The following MBTPS2 variants were observed in gnomAD, a reference collection of about 807,000 sequenced individuals.
MBTPS2 encodes the protein membrane-bound transcription factor site-2 protease.
Under a neutral mutation model 35.4 loss-of-function variants are expected in MBTPS2, and 2 were observed. The observed-to-expected ratio is 0.06, with a 90% confidence interval of 0.02 to 0.18. The LOEUF (loss-of-function observed/expected upper bound fraction) is 0.18, where lower values mean the gene tolerates loss of function less well. Ranked by LOEUF, MBTPS2 falls within the 10% of genes least tolerant of loss-of-function variation. MBTPS2 has a pLI of 1.00. For synonymous variants in MBTPS2, 125 were observed against 140.4 expected (o/e 0.89, Z 0.77); for missense variants, 244 against 386.5 (o/e 0.63, Z 3.09).
At chrX:21,867,770 C>G (rs1342977164) in intron 5 of MBTPS2, among the ~76,000 whole-genome samples, 1 of 109,401 alleles carries the variant, frequency 9.1e-6, no homozygotes, top group Non-Finnish European at 1.9e-5. Context: ...TCACAAGCAA[C>G]TGGGACTACA....
At chrX:21,864,966 G>C (rs943342107) in intron 5 of MBTPS2, among the ~76,000 whole-genome samples, 17 of 98,014 alleles carry the variant, frequency 1.7e-4, no homozygotes, top group Non-Finnish European at 3.4e-4. Context: ...CTGCAGCCTC[G>C]ACCTCCTGGG....
intron 9 of MBTPS2, among the ~76,000 whole-genome samples, chrX:21,878,922 A>G (rs1382678127): frequency 9.0e-6 from 1 of 111,534 alleles, no homozygotes; most frequent in Non-Finnish European, 1.9e-5. Flanking sequence ...GGAGAGTGAC[A>G]CATTTTTCCT....
At chrX:21,842,167 T>C (rs1393125146) in intron 1 of MBTPS2, among the ~76,000 whole-genome samples, 1 of 111,856 alleles carries the variant, frequency 8.9e-6, no homozygotes, top group East Asian at 2.8e-4. Context: ...CTGTGTCAGG[T>C]ATATAACACA....
In MBTPS2 at chrX:21,869,600, G is replaced by C; in HGVS notation, c.892G>C (p.Asp298His). The C allele has an allele frequency of 8.3e-7, 1 of 1,209,277 alleles. No homozygotes were observed. Among genetic ancestry groups the C allele is most frequent in the South Asian group, 1.8e-5 (1 of 56,931 alleles). The change falls in exon 7 of 11, where the codon GAT becomes CAT. Residue 298 changes from aspartate to histidine, a missense_variant. Physicochemically the swap from Asp to His is moderately conservative, Grantham distance 81. Coordinates refer to ENST00000379484, the MANE Select transcript of MBTPS2 (RefSeq NM_015884.4). Reference sequence around the variant, plus strand: ...TGTGCAAGATTGGAATGAATGTTTAGATACCATCGCCTATGAGCCCCAAAT... The same window carrying C: ...TGTGCAAGATTGGAATGAATGTTTACATACCATCGCCTATGAGCCCCAAAT... ...TNVQDWNECL[D>H]TIAYEPQIGY...
chrX:21,873,762 C>T (rs2092949806), intron 7 of MBTPS2, among the ~76,000 whole-genome samples: 1 of 110,428 alleles, frequency 9.1e-6, no homozygotes, highest in South Asian at 3.9e-4. Flanking sequence ...AGAGAAGACC[C>T]TTCTTGACCC....
At chrX:21,881,629 A>T (rs1005698349) in intron 10 of MBTPS2, among the ~76,000 whole-genome samples, 18 of 111,871 alleles carry the variant, frequency 1.6e-4, no homozygotes, top group Non-Finnish European at 3.2e-4. Flanking sequence ...AGTTATTTTT[A>T]AAAAATGTGT....
Position 21,880,952 on chromosome X carries a change from G to T in MBTPS2, c.1317G>T (p.Val439=). 1 of 1,201,712 alleles carries T rather than the reference G, an allele frequency of 8.3e-7. No individual in the cohort carries two copies. Among genetic ancestry groups the T allele is most frequent in the East Asian group, 3.0e-5 (1 of 33,763 alleles). The change falls in exon 10 of 11, where the codon GTG becomes GTT. Residue 439 remains valine (V), a synonymous_variant. Coordinates refer to ENST00000379484, the MANE Select transcript of MBTPS2 (RefSeq NM_015884.4). ...ACTTTCTAAGCATAGATCTGCCAGT[G>T]GTTGTGGAGACATTTGTCAAGTATC... ...RFNFLSIDLP[V]VVETFVKYLI... is the part of the protein sequence containing the mutation.
At chrX:21,875,508 G>A (rs867603061) in intron 7 of MBTPS2, among the ~76,000 whole-genome samples, 9 of 112,184 alleles carry the variant, frequency 8.0e-5, no homozygotes, top group Non-Finnish European at 1.1e-4. Context: ...TATCATTAGC[G>A]ATAATAAATT....
intron 5 of MBTPS2, 113 bp downstream of exon 5, chrX:21,853,616 A>T: frequency 2.6e-6 from 2 of 775,614 alleles, no homozygotes; most frequent in Non-Finnish European, 3.9e-6. Context: ...CTTTTGGTTA[A>T]TAACTTCAGT....
intron 9 of MBTPS2, among the ~76,000 whole-genome samples, chrX:21,879,267 T>TTTTG (rs754219848): frequency 1.8e-5 from 2 of 110,692 alleles, no homozygotes; most frequent in African/African-American, 3.3e-5. Flanking sequence ...TTCAGTGGGG[T>TTTTG]TTTGTTTGTT....
intron 2 of MBTPS2, 43 bp from the exon 3 acceptor site, chrX:21,845,128 G>A: frequency 8.3e-7 from 1 of 1,210,337 alleles, no homozygotes; most frequent in Non-Finnish European, 1.1e-6. Flanking sequence ...TCCATGAATT[G>A]AGAGAAATTG....
rs58677135 is a variant in MBTPS2, at chrX:21,843,343, G to A, written c.224+25G>A. 4.5e-3 allele frequency: 5,379 copies of A among 1,192,259 alleles called. 143 individuals are homozygous for A. The African/African-American group carries it at 0.082, about 18-fold the overall frequency. ...GGTATTCTTCATCTTCTTTTGTTTG[G>A]TTTAGGTTAATCATTAAGTGATCAC... On this transcript the variant is annotated intron_variant, in intron 2 of 10. Coordinates refer to ENST00000379484, the MANE Select transcript of MBTPS2 (RefSeq NM_015884.4).
intron 5 of MBTPS2, among the ~76,000 whole-genome samples, chrX:21,862,931 A>AAAATATATATATATATATATATAT (rs1569325764): frequency 7.2e-5 from 1 of 13,807 alleles, no homozygotes; most frequent in Non-Finnish European, 1.8e-4. Context: ...TATATATATA[A>AAAATATATATATATATATATATAT]ACATATATAT....
chrX:21,877,217 A>G (rs1282752464), intron 7 of MBTPS2, among the ~76,000 whole-genome samples: 1 of 111,851 alleles, frequency 8.9e-6, no homozygotes, highest in Non-Finnish European at 1.9e-5. Flanking sequence ...CGAGGTGGGC[A>G]GATCACTTGA....
intron 10 of MBTPS2, 62 bp from the exon 11 acceptor site, chrX:21,882,371 C>A: frequency 1.2e-6 from 1 of 831,900 alleles, no homozygotes; most frequent in South Asian, 2.0e-5. Context: ...TCTTCTGACT[C>A]ATAGAAATAT....
intron 1 of MBTPS2, among the ~76,000 whole-genome samples, chrX:21,842,159 G>A (rs2092903297): frequency 9.0e-6 from 1 of 111,730 alleles, no homozygotes; most frequent in Non-Finnish European, 1.9e-5. Context: ...TGTACTTACT[G>A]TGTCAGGTAT....
chrX:21,881,048 T>C (rs2092958730), intron 10 of MBTPS2, 76 bp downstream of exon 10: 4 of 702,282 alleles, frequency 5.7e-6, no homozygotes, highest in Non-Finnish European at 9.2e-6. Context: ...GAATACAGCA[T>C]TACAAATATA....
chrX:21,846,480 C>A (rs962480559), intron 3 of MBTPS2, among the ~76,000 whole-genome samples: 1 of 112,177 alleles, frequency 8.9e-6, no homozygotes, highest in Non-Finnish European at 1.9e-5. Context: ...GAGCGATTCT[C>A]CTGCCTCAGC....
At chrX:21,875,053 T>C (rs972865580) in intron 7 of MBTPS2, among the ~76,000 whole-genome samples, 1 of 112,368 alleles carries the variant, frequency 8.9e-6, no homozygotes, top group Admixed American at 9.5e-5. Flanking sequence ...TTTCACTCTT[T>C]ATTGGAAAAT....
Sources: gnomAD v4.1 joint callset for allele counts (sites outside exome capture counted in the v4.1 genomes callset) on GRCh38, gnomAD v4.1.1 for gene constraint, MANE v1.5 for transcripts, NCBI Gene and HGNC (gene_info 2026-07-23, HGNC 2026-07-21) for gene names.